The following DCX variants were observed in gnomAD, a reference collection of about 807,000 sequenced individuals.
DCX encodes doublecortin, also known as neuronal migration protein doublecortin.
A neutral mutation model predicts 20.9 loss-of-function variants in DCX; 4 were observed. The ratio of observed to expected loss-of-function variants is 0.19; its 90% confidence interval spans 0.09 to 0.44. The LOEUF is 0.44. Ranked by LOEUF, DCX falls within the 20% of genes least tolerant of loss-of-function variation. The pLI is 0.99. For synonymous variants in DCX, 103 were observed against 111.4 expected, an observed-to-expected ratio of 0.92 and a Z score of 0.47; for missense variants, 133 against 296.9, an observed-to-expected ratio of 0.45 and a Z score of 4.06.
In DCX at chrX:111,294,966, G is replaced by A. The variant is rs2095016876; in HGVS notation, c.*6721C>T. 8.9e-6 allele frequency: 1 copy of A among 112,088 alleles called. No homozygotes were observed. The highest frequency in any genetic ancestry group is 3.3e-5 in the African/African-American group (1 of 30,744). The allele number at this position is 112,088 out of a possible 1,213,427, so 9.2% of individuals were successfully genotyped here. On this transcript the variant is annotated 3_prime_UTR_variant, in exon 7 of 7. Coordinates refer to ENST00000636035, the MANE Select transcript of DCX (RefSeq NM_001195553.2). Reference sequence around the variant, plus strand: ...GGCCATAAAAACATTTTCTGTACAAGTTTAATGGCACAAAAAGGTGATCAA... The same window carrying A: ...GGCCATAAAAACATTTTCTGTACAAATTTAATGGCACAAAAAGGTGATCAA...
intron 3 of DCX, among the ~76,000 whole-genome samples, chrX:111,374,577 T>G (rs776980891): frequency 1.4e-4 from 16 of 111,458 alleles, no homozygotes; most frequent in Admixed American, 6.7e-4. Context: ...CTACTCATCT[T>G]GGGCAGCCAG....
At chrX:111,314,290 C>T (rs1365751769) in intron 5 of DCX, among the ~76,000 whole-genome samples, 3 of 111,930 alleles carry the variant, frequency 2.7e-5, no homozygotes, top group African/African-American at 9.7e-5. Context: ...ACCTATGAGC[C>T]AAACAAAGTG....
At chrX:111,362,992 A>G (rs1924332587) in intron 3 of DCX, among the ~76,000 whole-genome samples, 1 of 112,112 alleles carries the variant, frequency 8.9e-6, no homozygotes, top group African/African-American at 3.2e-5. Context: ...GAGGAGACTG[A>G]TATTGACCAA....
intron 5 of DCX, among the ~76,000 whole-genome samples, chrX:111,326,254 C>T (rs1483516115): frequency 9.0e-6 from 1 of 110,781 alleles, no homozygotes; most frequent in African/African-American, 3.3e-5. Context: ...CTCAGCCTAC[C>T]AGGGTGGGTA....
intron 2 of DCX, among the ~76,000 whole-genome samples, chrX:111,408,634 G>GA (rs1232990707): frequency 2.2e-5 from 1 of 44,586 alleles, no homozygotes; most frequent in Admixed American, 2.4e-4. Context: ...AAAGAAAAGA[G>GA]AAAGAAAGAA....
chrX:111,407,375 C>A (rs1232240057), intron 2 of DCX, among the ~76,000 whole-genome samples: 1 of 111,962 alleles, frequency 8.9e-6, no homozygotes, highest in Non-Finnish European at 1.9e-5. Flanking sequence ...ATGGGCAGTT[C>A]TAAAATATAA....
In DCX at chrX:111,360,136, G is replaced by A. The variant is rs1428826404; in HGVS notation, c.706-26983C>T. ...CCATACTATAGAATATTATACAGCTGTTAAAAGAATGCAGGGGTTGCAGCA... is the reference window on the plus strand; with the variant it reads ...CCATACTATAGAATATTATACAGCTATTAAAAGAATGCAGGGGTTGCAGCA... On this transcript the variant is annotated intron_variant, in intron 3 of 6. Coordinates refer to ENST00000636035, the MANE Select transcript of DCX (RefSeq NM_001195553.2). Among the ~76,000 whole-genome samples, 3 of 111,904 alleles carry A rather than the reference G, an allele frequency of 2.7e-5. No individual in the cohort carries two copies. In the Admixed American group the frequency reaches 2.9e-4, roughly 11 times the overall value.
intron 3 of DCX, among the ~76,000 whole-genome samples, chrX:111,366,939 T>A (rs1178640839): frequency 8.9e-6 from 1 of 111,735 alleles, no homozygotes; most frequent in African/African-American, 3.2e-5. Context: ...TCCAGTAAGA[T>A]ATGGAGAATG....
At chrX:111,410,734 C>G in intron 1 of DCX, 1 of 1,191,503 alleles carries the variant, frequency 8.4e-7, no homozygotes. Flanking sequence ...TTTGAAATAG[C>G]TGAAAATCCT....
Position 111,410,550 on chromosome X carries a change from G to T in DCX, c.-22-130C>A. The T allele has an allele frequency of 4.0e-6, 4 of 994,022 alleles. No individual in the cohort carries two copies. In the South Asian group the frequency reaches 6.2e-5, roughly 15 times the overall value. 81.9% of individuals were successfully genotyped at this position (994,022 alleles called of 1,213,427 possible). On this transcript the variant is annotated intron_variant, in intron 1 of 6. Transcript: ENST00000636035. ...CAATCTGCTGCTTGTGAAAAGAACTGGTTGAAAAAAGCCTGTGACCCATCT... is the reference window on the plus strand; with the variant it reads ...CAATCTGCTGCTTGTGAAAAGAACTTGTTGAAAAAAGCCTGTGACCCATCT...
chrX:111,388,555 T>C (rs753849534), intron 3 of DCX, among the ~76,000 whole-genome samples: 2 of 112,477 alleles, frequency 1.8e-5, no homozygotes, highest in Non-Finnish European at 3.8e-5. Context: ...GTTTGGGGAA[T>C]ACTGGTCTAA....
intron 5 of DCX, among the ~76,000 whole-genome samples, chrX:111,325,811 A>C (rs1049604847): frequency 8.9e-6 from 1 of 112,191 alleles, no homozygotes; most frequent in Non-Finnish European, 1.9e-5. Flanking sequence ...GTCAAAATTA[A>C]TTTTGCCCAT....
intron 1 of DCX, chrX:111,410,786 G>T (rs1405111726): frequency 1.7e-6 from 2 of 1,210,532 alleles, no homozygotes; most frequent in South Asian, 3.5e-5. Flanking sequence ...GGAACTTCGG[G>T]CTAAATACAT....
At chrX:111,331,121 C>T in intron 4 of DCX, 80 bp from the exon 5 acceptor site, 1 of 1,090,057 alleles carries the variant, frequency 9.2e-7, no homozygotes, top group South Asian at 1.9e-5. Context: ...ACCGCAATAA[C>T]CATCACAGGC....
chrX:111,333,682 G>A (rs187653609), intron 3 of DCX, among the ~76,000 whole-genome samples: 132 of 112,171 alleles, frequency 1.2e-3, no homozygotes, highest in African/African-American at 3.8e-3. Flanking sequence ...AAAGCTGGCC[G>A]AAAACTTGGT....
rs1227748385 is a variant in DCX at position 111,295,171 on chromosome X, G to A, written c.*6516C>T. 8.9e-6 allele frequency: 1 copy of A among 111,970 alleles called. No individual in the cohort carries two copies. Among genetic ancestry groups the A allele is most frequent in the Non-Finnish European group, 1.9e-5 (1 of 53,173 alleles). The allele number at this position is 111,970 out of a possible 1,213,427, so 9.2% of individuals were successfully genotyped here. A position where few individuals can be genotyped will look rare whatever the true frequency, so the allele number is the denominator to read the frequency against. ...AAATCCCTTTTGGATAACTTATAAA[G>A]AAAAGTCATTGTAAATTTTGGCATT... On this transcript the variant is annotated 3_prime_UTR_variant, in exon 7 of 7. Coordinates refer to ENST00000636035, the MANE Select transcript of DCX (RefSeq NM_001195553.2).
At position 111,325,927 on chromosome X, in the gene DCX, T is replaced by A. The variant is rs752429512; in HGVS notation, c.946+4977A>T. 3.5e-4 allele frequency among the ~76,000 whole-genome samples: 39 copies of A among 111,768 alleles called. No individual in the cohort carries two copies. In the South Asian group the frequency reaches 0.015, roughly 42 times the overall value. Reference sequence around the variant, plus strand: ...TATTGAGCAGAGCTGGTCTAGACAGTCACTTTCAGGAAGGTCAGAATGACC... The same window carrying A: ...TATTGAGCAGAGCTGGTCTAGACAGACACTTTCAGGAAGGTCAGAATGACC... On this transcript the variant is annotated intron_variant, in intron 5 of 6. Transcript: ENST00000636035.
chrX:111,331,425 A>C (rs1921234196), intron 4 of DCX, among the ~76,000 whole-genome samples: 1 of 112,408 alleles, frequency 8.9e-6, no homozygotes. Flanking sequence ...GGTTACAGCT[A>C]CACAGATGAA....
At chrX:111,412,050 G>A (rs1246125016) in intron 1 of DCX, 88 bp downstream of exon 1, 1 of 112,235 alleles carries the variant, frequency 8.9e-6, no homozygotes, top group Non-Finnish European at 1.9e-5. Context: ...AGGAGACAGA[G>A]AGACAGAGAG....
Sources: gnomAD v4.1 joint callset for allele counts (sites outside exome capture counted in the v4.1 genomes callset) on GRCh38, gnomAD v4.1.1 for gene constraint, MANE v1.5 for transcripts, NCBI Gene and HGNC (gene_info 2026-07-23, HGNC 2026-07-21) for gene names.